Variants in NUP93 observed in about 807,000 individuals in gnomAD.
NUP93 encodes the protein nuclear pore complex protein Nup93.
A neutral mutation model predicts 107.8 loss-of-function variants in NUP93; 55 were observed. The observed-to-expected ratio is 0.51, with a 90% CI of 0.41 to 0.64. The LOEUF (loss-of-function observed/expected upper bound fraction) is 0.64. NUP93 is among the 30% of genes least tolerant of loss of function. The pLI, the probability that NUP93 is intolerant of heterozygous loss-of-function variation, is 0.00. For missense variants in NUP93, 937 were observed against 1,044.7 expected, an observed-to-expected ratio of 0.90 and a Z score of 1.42; for synonymous variants, 390 against 397.5, an observed-to-expected ratio of 0.98 and a Z score of 0.22.
intron 12 of NUP93, among the ~76,000 whole-genome samples, chr16:56,832,747 T>G (rs1325166815): frequency 6.6e-6 from 1 of 152,172 alleles, no homozygotes; most frequent in Non-Finnish European, 1.5e-5. Context: ...CCTTTCTTCT[T>G]TTTTCCCGTA....
In NUP93 at chr16:56,789,423, C is replaced by A. The variant is rs1403804070; in HGVS notation, c.298-9053C>A. ...CATAATTGTGTGAACCTTTTTTTAG[C>A]CCAATAGCAGAAACCATGTACAAAA... On this transcript the variant is annotated intron_variant, in intron 3 of 21. Transcript: ENST00000308159. Among the ~76,000 whole-genome samples the A allele has an allele frequency of 3.9e-5, 6 of 152,196 alleles. No individual in the cohort carries two copies. In the East Asian group the frequency reaches 1.2e-3, roughly 29 times the overall value.
intron 21 of NUP93, among the ~76,000 whole-genome samples, chr16:56,844,138 G>A (rs1271045017): frequency 2.6e-5 from 4 of 152,218 alleles, no homozygotes; most frequent in Non-Finnish European, 4.4e-5. Flanking sequence ...ACAGAAACCA[G>A]CCAGAGAGAG....
intron 5 of NUP93, among the ~76,000 whole-genome samples, chr16:56,816,807 A>G (rs554661269): frequency 2.6e-5 from 4 of 152,300 alleles, no homozygotes; most frequent in Admixed American, 6.5e-5. Flanking sequence ...ATCACCTTGA[A>G]TAGCTTGAAA....
chr16:56,842,826 T>G (rs1964053380), intron 21 of NUP93: 1 of 314,886 alleles, frequency 3.2e-6, no homozygotes, highest in Admixed American at 4.4e-5. Flanking sequence ...GTGCTAGGAT[T>G]ACAGATGTGA....
rs1962186004 is a variant in NUP93 at position 56,764,602 on chromosome 16, A to G, written c.297+5947A>G. On this transcript the variant is annotated intron_variant, in intron 3 of 21. Transcript: ENST00000308159. ...TATCTTCTGCTCCTTAAATGCAGCT[A>G]TATATAACAGCAAAGAGGAAAAGTA... Among the ~76,000 whole-genome samples the G allele has an allele frequency of 1.3e-5, 2 of 152,226 alleles. 1 individual carries two copies. The highest frequency in any genetic ancestry group is 4.1e-4 in the South Asian group (2 of 4,832).
intron 6 of NUP93, among the ~76,000 whole-genome samples, chr16:56,820,728 C>T (rs1963525892): frequency 6.6e-6 from 1 of 152,154 alleles, no homozygotes; most frequent in Admixed American, 6.5e-5. Flanking sequence ...AACATCACTA[C>T]TATGGGAGAG....
At chr16:56,839,902 A>G (rs72786737) in intron 20 of NUP93, 7,607 of 371,142 alleles carry the variant, frequency 0.02, 112 homozygotes, top group Non-Finnish European at 0.03. Context: ...TTCTTCTATT[A>G]TCCGCTTGTG....
In NUP93 at chr16:56,800,417, G is replaced by A. The variant is rs77480278; in HGVS notation, c.360+1879G>A. Among the ~76,000 whole-genome samples, 900 of 152,222 alleles carry A rather than the reference G, an allele frequency of 5.9e-3. 11 individuals carry two copies. The highest frequency in any genetic ancestry group is 0.02 in the African/African-American group (831 of 41,536). On this transcript the variant is annotated intron_variant, in intron 4 of 21. Coordinates refer to ENST00000308159, the MANE Select transcript of NUP93 (RefSeq NM_014669.5). ...CAAGCTTTATTAATCCATTTACCCC[G>A]CAGAATGTGTTTCTGGAATTGGCAG...
intron 3 of NUP93, among the ~76,000 whole-genome samples, chr16:56,796,195 T>C (rs1865152331): frequency 6.6e-6 from 1 of 152,224 alleles, no homozygotes; most frequent in Non-Finnish European, 1.5e-5. Flanking sequence ...ATGTGCCACA[T>C]AATGATGTTT....
intron 20 of NUP93, among the ~76,000 whole-genome samples, chr16:56,840,375 A>G (rs537471886): frequency 3.3e-5 from 5 of 152,180 alleles, no homozygotes; most frequent in East Asian, 1.9e-4. Context: ...CTATCACCCC[A>G]TAAGCCCCAG....
At chr16:56,805,285 C>T (rs1296315579) in intron 4 of NUP93, among the ~76,000 whole-genome samples, 1 of 152,156 alleles carries the variant, frequency 6.6e-6, no homozygotes, top group Non-Finnish European at 1.5e-5. Context: ...TGGGCTCAAG[C>T]AATCTGCCTG....
At chr16:56,769,315 G>C (rs564456452) in intron 3 of NUP93, among the ~76,000 whole-genome samples, 13 of 152,284 alleles carry the variant, frequency 8.5e-5, no homozygotes, top group African/African-American at 3.1e-4. Flanking sequence ...GAATGGATGT[G>C]GTAGGCATAG....
chr16:56,786,549 C>T (rs1219642018), intron 3 of NUP93, among the ~76,000 whole-genome samples: 6 of 152,232 alleles, frequency 3.9e-5, no homozygotes, highest in Non-Finnish European at 5.9e-5. Context: ...TCATTTTCAG[C>T]TGTGCCAGAA....
intron 1 of NUP93, among the ~76,000 whole-genome samples, chr16:56,732,267 C>T (rs1458246425): frequency 6.6e-6 from 1 of 152,142 alleles, no homozygotes; most frequent in Non-Finnish European, 1.5e-5. Context: ...CTGTTTTGTT[C>T]ACTGATGTGT....
chr16:56,825,748 A>G (rs894798690), intron 8 of NUP93, among the ~76,000 whole-genome samples: 4 of 152,088 alleles, frequency 2.6e-5, no homozygotes, highest in African/African-American at 9.6e-5. Context: ...GCTATTTGGG[A>G]ATTTCCTGTT....
At chr16:56,744,763 T>G (rs1330142510) in intron 1 of NUP93, among the ~76,000 whole-genome samples, 1 of 152,210 alleles carries the variant, frequency 6.6e-6, no homozygotes, top group Non-Finnish European at 1.5e-5. Flanking sequence ...AAGTGTGATA[T>G]GAATTCATGC....
At chr16:56,807,579 G>A (rs1226027337) in intron 5 of NUP93, among the ~76,000 whole-genome samples, 13 of 152,118 alleles carry the variant, frequency 8.5e-5, no homozygotes, top group African/African-American at 1.7e-4. Flanking sequence ...AGCTAACTTC[G>A]TACTAACTGA....
At chr16:56,795,243 T>G (rs1165732957) in intron 3 of NUP93, among the ~76,000 whole-genome samples, 1 of 152,102 alleles carries the variant, frequency 6.6e-6, no homozygotes, top group East Asian at 1.9e-4. Context: ...TTGATAATAG[T>G]TTCATAGCTT....
chr16:56,730,388 C>T (rs1266612412), intron 1 of NUP93, among the ~76,000 whole-genome samples, 177 bp downstream of exon 1: 1 of 152,194 alleles, frequency 6.6e-6, no homozygotes, highest in African/African-American at 2.4e-5. Flanking sequence ...CGAGCCGCCC[C>T]CGAGGCTTGG....
Sources: gnomAD v4.1 joint callset for allele counts (sites outside exome capture counted in the v4.1 genomes callset) on GRCh38, gnomAD v4.1.1 for gene constraint, MANE v1.5 for transcripts, NCBI Gene and HGNC (gene_info 2026-07-23, HGNC 2026-07-21) for gene names.